SLC35D4: variants seen among roughly 807,000 people sequenced by gnomAD.
The protein encoded by SLC35D4 is UDP-N-acetylglucosamine transporter SLC35D4.
the SLC35D4 span, among the ~76,000 whole-genome samples, chr18:23,355,468 G>A: frequency 2.4e-4 from 37 of 152,168 alleles, no homozygotes; most frequent in Non-Finnish European, 4.9e-4. Context: ...CCCAGCTAAC[G>A]GGCAAGGCCT....
chr18:23,367,068 A>C, the SLC35D4 span, among the ~76,000 whole-genome samples: 1 of 151,910 alleles, frequency 6.6e-6, no homozygotes, highest in African/African-American at 2.4e-5. Flanking sequence ...AGAAGTGATC[A>C]CTCTCATGGC....
chr18:23,304,629 G>C, the SLC35D4 span, among the ~76,000 whole-genome samples: 1 of 151,938 alleles, frequency 6.6e-6, no homozygotes, highest in African/African-American at 2.4e-5. Flanking sequence ...TTTCTTCTCT[G>C]GGCAGCTGGA....
the SLC35D4 span, among the ~76,000 whole-genome samples, chr18:23,359,689 T>C: frequency 6.6e-6 from 1 of 152,198 alleles, no homozygotes; most frequent in South Asian, 2.1e-4. Context: ...TAATTAGTGC[T>C]GCTTGCTCTG....
At chr18:23,411,549 G>GAAAGAA in the SLC35D4 span, among the ~76,000 whole-genome samples, 1 of 150,430 alleles carries the variant, frequency 6.6e-6, no homozygotes, top group Non-Finnish European at 1.5e-5. Flanking sequence ...AAGAAAGAAA[G>GAAAGAA]AAAGGTGTGT....
the SLC35D4 span, among the ~76,000 whole-genome samples, chr18:23,250,571 C>T: frequency 2.6e-5 from 4 of 152,208 alleles, no homozygotes; most frequent in Non-Finnish European, 5.9e-5. Context: ...GGAAATAAAC[C>T]TGTCTTGGAG....
the SLC35D4 span, among the ~76,000 whole-genome samples, chr18:23,246,021 AC>A: frequency 2.0e-5 from 3 of 152,162 alleles, no homozygotes; most frequent in African/African-American, 4.8e-5. Flanking sequence ...TAATCCCAGC[AC>A]TTTGAGAGGC....
At chr18:23,355,764 G>T in the SLC35D4 span, among the ~76,000 whole-genome samples, 4 of 152,048 alleles carry the variant, frequency 2.6e-5, no homozygotes, top group African/African-American at 9.7e-5. Context: ...TATTGACATT[G>T]TATTTATAGT....
At chr18:23,417,019 A>C in the SLC35D4 span, among the ~76,000 whole-genome samples, 4 of 152,162 alleles carry the variant, frequency 2.6e-5, no homozygotes, top group Non-Finnish European at 5.9e-5. Flanking sequence ...AGAGGGGAGG[A>C]CTGCTTGAGG....
At chr18:23,382,046 T>G in the SLC35D4 span, among the ~76,000 whole-genome samples, 1 of 152,056 alleles carries the variant, frequency 6.6e-6, no homozygotes, top group African/African-American at 2.4e-5. Flanking sequence ...AAGACCAGTC[T>G]GGCTAACATG....
the SLC35D4 span, chr18:23,309,676 T>TAGA: frequency 6.2e-7 from 1 of 1,613,878 alleles, no homozygotes; most frequent in South Asian, 1.1e-5. Flanking sequence ...TGCAAAAGAC[T>TAGA]TACCATCCCG....
chr18:23,253,191 C>T, the SLC35D4 span: 1 of 631,436 alleles, frequency 1.6e-6, no homozygotes, highest in Non-Finnish European at 2.9e-6. Flanking sequence ...TCACATTCAG[C>T]AGAAAGGACA....
At chr18:23,262,029 T>G in the SLC35D4 span, among the ~76,000 whole-genome samples, 1 of 152,190 alleles carries the variant, frequency 6.6e-6, no homozygotes, top group Non-Finnish European at 1.5e-5. Flanking sequence ...CATTCCTCCT[T>G]GGTGATTTGT....
chr18:23,241,289 A>AGGTGG, the SLC35D4 span, among the ~76,000 whole-genome samples: 1 of 151,856 alleles, frequency 6.6e-6, no homozygotes, highest in Non-Finnish European at 1.5e-5. Context: ...TGGGAGGCCG[A>AGGTGG]GGTGGGTAAG....
the SLC35D4 span, among the ~76,000 whole-genome samples, chr18:23,366,150 G>C: frequency 6.6e-6 from 1 of 152,144 alleles, no homozygotes; most frequent in Admixed American, 6.5e-5. Flanking sequence ...CTACCATGTG[G>C]CTGAAAACTA....
chr18:23,417,517 G>A, the SLC35D4 span, among the ~76,000 whole-genome samples: 2 of 152,162 alleles, frequency 1.3e-5, no homozygotes, highest in African/African-American at 4.8e-5. Flanking sequence ...AGGAGCAAGT[G>A]GGAGGGGAGA....
the SLC35D4 span, among the ~76,000 whole-genome samples, chr18:23,426,841 C>T: frequency 6.6e-6 from 1 of 152,250 alleles, no homozygotes; most frequent in South Asian, 2.1e-4. Context: ...TGGAACAGAA[C>T]AGAGCCCCCA....
the SLC35D4 span, among the ~76,000 whole-genome samples, chr18:23,288,494 T>C: frequency 6.6e-6 from 1 of 152,154 alleles, no homozygotes; most frequent in Non-Finnish European, 1.5e-5. Flanking sequence ...GCCATTCTAC[T>C]ACTCCTCAAG....
At chr18:23,264,999 C>T in the SLC35D4 span, among the ~76,000 whole-genome samples, 1 of 151,976 alleles carries the variant, frequency 6.6e-6, no homozygotes, top group African/African-American at 2.4e-5. Flanking sequence ...GTGAGGACAG[C>T]ACCAAGCTAT....
At chr18:23,298,119 T>C in the SLC35D4 span, 1 of 1,609,504 alleles carries the variant, frequency 6.2e-7, no homozygotes, top group South Asian at 1.1e-5. Flanking sequence ...ACCCCTGAGC[T>C]GCCTGGCGCC....
Sources: allele counts gnomAD v4.1 joint callset (sites outside exome capture counted in the v4.1 genomes callset), GRCh38; gene constraint gnomAD v4.1.1; transcripts MANE v1.5; gene names NCBI Gene and HGNC (gene_info 2026-07-23, HGNC 2026-07-21).